Variants in ERN1 observed in about 807,000 individuals in gnomAD.
ERN1 encodes endoplasmic reticulum to nucleus signaling 1.
In ERN1, 39 loss-of-function variants were observed where a neutral mutation model predicts 113.1. That is an observed-to-expected ratio of 0.34 (90% CI 0.27 to 0.45). ERN1 has a LOEUF of 0.45. Among genes scored for constraint, ERN1 ranks in the 20% least tolerant of loss-of-function variants. The pLI is 1.00. For synonymous variants in ERN1, 507 were observed against 515.9 expected (o/e 0.98, Z 0.23); for missense variants, 976 against 1,274.8 (o/e 0.77, Z 3.57).
chr17:64,072,127 G>A (rs377271012), intron 5 of ERN1, 24 bp from the exon 6 acceptor site: 78 of 1,611,690 alleles, frequency 4.8e-5, no homozygotes, highest in Non-Finnish European at 5.9e-5. Flanking sequence ...AAAACACATC[G>A]TCGTTTACAC....
Position 64,053,279 on chromosome 17 carries a change from G to A in ERN1, c.2046C>T (p.Leu682=), listed in dbSNP as rs757494318. ...TTSGLAHLHS[L]NIVHRDLKPH... is the part of the protein sequence containing the mutation. ...TAAAGTGCAGCCTCTCACCGATGTT[G>A]AGGGAGTGGAGGTGGGCCAGGCCCG... Residue 682 remains leucine (L), a synonymous_variant, in exon 16 of 22, where the codon CTC becomes CTT. Coordinates refer to ENST00000433197, the MANE Select transcript of ERN1 (RefSeq NM_001433.5). 2.2e-5 allele frequency: 36 copies of A among 1,606,958 alleles called. No homozygotes were observed. Among genetic ancestry groups the A allele is most frequent in the South Asian group, 2.2e-5 (2 of 90,600 alleles).
intron 19 of ERN1, 121 bp from the exon 20 acceptor site, chr17:64,045,603 GCAC>G: frequency 1.6e-6 from 2 of 1,266,126 alleles, no homozygotes; most frequent in Non-Finnish European, 2.2e-6. Context: ...TGGGCAGCAG[GCAC>G]CCTGCCCCCT....
chr17:64,071,790 C>T (rs369107794), intron 6 of ERN1, among the ~76,000 whole-genome samples, 191 bp downstream of exon 6: 1 of 152,046 alleles, frequency 6.6e-6, no homozygotes, highest in African/African-American at 2.4e-5. Flanking sequence ...TTTTCTGGGC[C>T]GTGGTGCAGT....
At chr17:64,079,399 T>C (rs939595669) in intron 4 of ERN1, among the ~76,000 whole-genome samples, 1 of 152,136 alleles carries the variant, frequency 6.6e-6, no homozygotes, top group African/African-American at 2.4e-5. Context: ...TAACATTATA[T>C]CCTCCAGTGT....
Position 64,055,680 on chromosome 17 carries a change from T to A in ERN1, c.1667A>T (p.Asp556Val). ...AGSSPSLEQD[D>V]GDEETSVVIV... ...AAGATGGCAACTGGCTTTACCTCCA[T>A]CGTCTTGTTCCAGGGAGGGGCTGCT... Residue 556 changes from aspartate to valine, a missense_variant, in exon 13 of 22, where the codon GAT becomes GTT. Asp to Val is a radical substitution (Grantham distance 152). Coordinates refer to ENST00000433197, the MANE Select transcript of ERN1 (RefSeq NM_001433.5). 6.3e-7 allele frequency: 1 copy of A among 1,581,596 alleles called. No homozygotes were observed. Among genetic ancestry groups the A allele is most frequent in the Non-Finnish European group, 8.6e-7 (1 of 1,164,164 alleles).
Position 64,066,824 on chromosome 17 carries a change from T to C in ERN1, c.689A>G (p.Tyr230Cys). The change falls in exon 8 of 22, where the codon TAT becomes TGT. Residue 230 changes from tyrosine (Y) to cysteine (C), a missense_variant. Around this residue, in one of 5 missense-constraint regions of ERN1, gnomAD observed 459 missense variants for 581.2 expected, o/e 0.79. Coordinates refer to ENST00000433197, the MANE Select transcript of ERN1 (RefSeq NM_001433.5). The stretch of plus-strand genomic sequence containing the variant: ...CCTCAGACCCTCCCGCTGCCAGACA[T>C]AAAAGGCCACCACAGGGGAGGCGTA... ...QNYASPVVAFYVWQREGLRKV... is the reference protein window; with the variant it reads ...QNYASPVVAFCVWQREGLRKV... 1 of 1,613,854 alleles carries C rather than the reference T, an allele frequency of 6.2e-7. No homozygotes were observed. The highest frequency in any genetic ancestry group is 8.5e-7 in the Non-Finnish European group (1 of 1,179,842).
At chr17:64,090,436 C>T (rs930086515) in intron 2 of ERN1, among the ~76,000 whole-genome samples, 6 of 152,136 alleles carry the variant, frequency 3.9e-5, no homozygotes, top group Admixed American at 1.3e-4. Flanking sequence ...TATAATCAAT[C>T]ATGAAGGCAC....
At chr17:64,094,068 T>C (rs1221153006) in intron 2 of ERN1, among the ~76,000 whole-genome samples, 3 of 152,264 alleles carry the variant, frequency 2.0e-5, no homozygotes, top group East Asian at 1.9e-4. Context: ...GACATTCTCA[T>C]GGGCCAAAAC....
intron 6 of ERN1, among the ~76,000 whole-genome samples, chr17:64,071,578 A>C (rs1913418296): frequency 6.6e-6 from 1 of 151,744 alleles, no homozygotes; most frequent in Non-Finnish European, 1.5e-5. Context: ...ATGCCACCAC[A>C]CCTGACTAAT....
intron 1 of ERN1, among the ~76,000 whole-genome samples, chr17:64,124,174 T>C (rs543876199): frequency 1.3e-5 from 2 of 152,316 alleles, no homozygotes; most frequent in South Asian, 4.1e-4. Flanking sequence ...ATAGTGCAGC[T>C]GCCTTGGAAA....
At chr17:64,059,139 G>A (rs1374182672) in intron 11 of ERN1, among the ~76,000 whole-genome samples, 1 of 152,162 alleles carries the variant, frequency 6.6e-6, no homozygotes, top group East Asian at 1.9e-4. Context: ...TAATGAATAT[G>A]CAGGACTTTA....
In ERN1 at chr17:64,044,305, G is replaced by T; in HGVS notation, c.2722-105C>A. On this transcript the variant is annotated intron_variant, in intron 21 of 21. Transcript: ENST00000433197. The surrounding 1 kb of genome is among the most constrained non-coding windows in gnomAD (Gnocchi z 4.1). The stretch of plus-strand genomic sequence containing the variant: ...TGCAAGGAAGAGACAGAATGTGAGT[G>T]TTGGTTTTTGGTAAAGAAAAAGAAA... The T allele has an allele frequency of 1.3e-6, 1 of 789,932 alleles. No individual in the cohort carries two copies. Among genetic ancestry groups the T allele is most frequent in the Non-Finnish European group, 1.9e-6 (1 of 531,424 alleles). 48.9% of individuals were successfully genotyped at this position (789,932 alleles called of 1,614,324 possible). A position where few individuals can be genotyped will look rare whatever the true frequency, so the allele number is the denominator to read the frequency against.
intron 2 of ERN1, among the ~76,000 whole-genome samples, chr17:64,090,512 T>G (rs1373776469): frequency 6.6e-6 from 1 of 152,178 alleles, no homozygotes; most frequent in Non-Finnish European, 1.5e-5. Flanking sequence ...TTCACAGAAT[T>G]CATTCCTGAG....
chr17:64,087,399 GCCCAAGGC>G (rs1010370387), intron 2 of ERN1, among the ~76,000 whole-genome samples: 3 of 152,102 alleles, frequency 2.0e-5, no homozygotes, highest in African/African-American at 7.2e-5. Context: ...GGGTGTCTCA[GCCCAAGGC>G]CATACCCCCA....
chr17:64,095,691 C>A (rs1914211005), intron 2 of ERN1, among the ~76,000 whole-genome samples: 1 of 152,162 alleles, frequency 6.6e-6, no homozygotes. Context: ...TAACAGCTCC[C>A]AATTTCCTGT....
At position 64,052,894 on chromosome 17, in the gene ERN1, G is replaced by C. The variant is rs775550983; in HGVS notation, c.2139C>G (p.Gly713=). ...GKIKAMISDF[G]LCKKLAVGRH... is the part of the protein sequence containing the mutation. ...TGCCCACTGCCAGCTTCTTGCAGAG[G>C]CCAAAGTCGGAGATCATGGCCTTGA... is the stretch of plus-strand genomic sequence containing the variant. The change falls in exon 17 of 22, where the codon GGC becomes GGG. Residue 713 remains glycine (G), a synonymous_variant. Coordinates refer to ENST00000433197, the MANE Select transcript of ERN1 (RefSeq NM_001433.5). 8 of 1,613,764 alleles carry C rather than the reference G, an allele frequency of 5.0e-6. No homozygotes were observed. In the South Asian group the frequency reaches 8.8e-5, roughly 18 times the overall value.
intron 1 of ERN1, among the ~76,000 whole-genome samples, chr17:64,104,582 G>A (rs997072507): frequency 1.3e-5 from 2 of 152,194 alleles, no homozygotes; most frequent in African/African-American, 2.4e-5. Flanking sequence ...ACTTTGGGAG[G>A]CCCAGGCAGG....
chr17:64,045,809 G>A (rs918410490), intron 19 of ERN1, among the ~76,000 whole-genome samples: 1 of 152,170 alleles, frequency 6.6e-6, no homozygotes, highest in African/African-American at 2.4e-5. Context: ...TATATCCAAT[G>A]AACCAAAACC....
intron 1 of ERN1, among the ~76,000 whole-genome samples, chr17:64,102,482 G>A (rs964357378): frequency 6.6e-6 from 1 of 152,112 alleles, no homozygotes; most frequent in Non-Finnish European, 1.5e-5. Flanking sequence ...GAAACTCCTG[G>A]GAGCCACTCG....
Sources: allele counts gnomAD v4.1 joint callset (sites outside exome capture counted in the v4.1 genomes callset), GRCh38; gene constraint gnomAD v4.1.1; regional missense constraint gnomAD v4.1.1; non-coding constraint Gnocchi (gnomAD v3.1); transcripts MANE v1.5; gene names NCBI Gene and HGNC (gene_info 2026-07-23, HGNC 2026-07-21).